The following SEC23A variants were observed in gnomAD, a reference collection of about 807,000 sequenced individuals.
SEC23A encodes SEC23 homolog A, COPII component.
A neutral mutation model predicts 103.7 loss-of-function variants in SEC23A; 56 were observed. That is an observed-to-expected ratio of 0.54 (90% CI 0.44 to 0.67). The LOEUF (loss-of-function observed/expected upper bound fraction) is 0.67, where lower values mean the gene tolerates loss of function less well. SEC23A is among the 30% of genes least tolerant of loss of function. The probability of loss-of-function intolerance (pLI) is 0.00; values close to 1 mark genes in which losing one functional copy is unlikely to be tolerated. For synonymous variants in SEC23A, 281 were observed against 293.0 expected, an observed-to-expected ratio of 0.96 and a Z score of 0.42; for missense variants, 784 against 936.4, an observed-to-expected ratio of 0.84 and a Z score of 2.12.
At chr14:39,044,748 A>C (rs1885771725) in intron 16 of SEC23A, among the ~76,000 whole-genome samples, 1 of 152,234 alleles carries the variant, frequency 6.6e-6, no homozygotes, top group African/African-American at 2.4e-5. Context: ...AAATGAGATT[A>C]AAACAAGAGC....
Position 39,048,823 on chromosome 14 carries a change from A to T in SEC23A, c.1660-94T>A, listed in dbSNP as rs17108775. Reference sequence around the variant, plus strand: ...TTCTATTTACAAGAAGTTACCAATCATCAGGAAGCAGATACTTGATAAAGA... The same window carrying T: ...TTCTATTTACAAGAAGTTACCAATCTTCAGGAAGCAGATACTTGATAAAGA... On this transcript the variant is annotated intron_variant, in intron 14 of 19. Transcript: ENST00000307712. The T allele has an allele frequency of 2.9e-3, 2,048 of 708,264 alleles. 26 individuals carry two copies. The African/African-American group carries it at 0.029, about 10-fold the overall frequency. 43.9% of individuals were successfully genotyped at this position (708,264 alleles called of 1,614,324 possible). A position where few individuals can be genotyped will look rare whatever the true frequency, so the allele number is the denominator to read the frequency against.
chr14:39,083,514 ATCAGGACCTCCAGAGGCATGTGTCC>A (rs995079429), intron 7 of SEC23A, among the ~76,000 whole-genome samples: 1 of 150,782 alleles, frequency 6.6e-6, no homozygotes, highest in Non-Finnish European at 1.5e-5. Context: ...GACGCATGTC[ATCAGGACCTCCAGAGGCATGTGTCC>A]TCAGCCTTGG....
intron 2 of SEC23A, 46 bp from the exon 3 acceptor site, chr14:39,093,290 C>A: frequency 6.8e-7 from 1 of 1,461,238 alleles, no homozygotes; most frequent in South Asian, 1.2e-5. Flanking sequence ...TATTTCAGTT[C>A]AATTTTACAA....
chr14:39,041,409 C>CAAAAAAAAAAAAAAAAAAAAAAAAA lies in SEC23A; in HGVS notation c.1987-547_1987-523dup, dbSNP rs56911438. 1.8e-3 allele frequency: 27 copies of CAAAAAAAAAAAAAAAAAAAAAAAAA among 14,644 alleles called. 3 individuals carry two copies. Among genetic ancestry groups the CAAAAAAAAAAAAAAAAAAAAAAAAA allele is most frequent in the Admixed American group, 4.6e-3 (3 of 658 alleles). The allele number at this position is 14,644 out of a possible 1,614,324, so 0.9% of individuals were successfully genotyped here. On this transcript the variant is annotated intron_variant, in intron 17 of 19. Coordinates refer to ENST00000307712, the MANE Select transcript of SEC23A (RefSeq NM_006364.4). ...AAATCACCATAAAACAAAGAAAAAG[C>CAAAAAAAAAAAAAAAAAAAAAAAAA]AAAAAAAAAAAAAAAAAAAAAAAAA...
intron 9 of SEC23A, among the ~76,000 whole-genome samples, chr14:39,073,500 G>T (rs983802296): frequency 2.0e-5 from 3 of 151,270 alleles, no homozygotes; most frequent in Admixed American, 6.6e-5. Context: ...CACCATGTTG[G>T]CCAGGCTGGT....
chr14:39,048,637 CT>C lies in SEC23A; in HGVS notation c.1737+14del. The C allele has an allele frequency of 1.3e-6, 2 of 1,533,252 alleles. No homozygotes were observed. Among genetic ancestry groups the C allele is most frequent in the Non-Finnish European group, 9.0e-7 (1 of 1,106,948 alleles). The allele number at this position is 1,533,252 out of a possible 1,614,324, so 95.0% of individuals were successfully genotyped here. On this transcript the variant is annotated intron_variant, in intron 15 of 19. Coordinates refer to ENST00000307712, the MANE Select transcript of SEC23A (RefSeq NM_006364.4). The stretch of plus-strand genomic sequence containing the variant: ...AAAAAGAAAAGAAAAGAATATGGAC[CT>C]TTTACCTACTTACCTGTGGATAAAG...
intron 14 of SEC23A, among the ~76,000 whole-genome samples, chr14:39,054,201 G>T (rs548731067): frequency 6.6e-6 from 1 of 151,932 alleles, no homozygotes; most frequent in East Asian, 1.9e-4. Flanking sequence ...CTTGAGCAGG[G>T]GAAGTCAAGG....
chr14:39,036,040 C>A (rs1449072300), intron 19 of SEC23A, among the ~76,000 whole-genome samples: 1 of 151,942 alleles, frequency 6.6e-6, no homozygotes, highest in Non-Finnish European at 1.5e-5. Context: ...CATGGATACT[C>A]CCAGGCACAG....
At chr14:39,065,703 A>T (rs1886635734) in intron 10 of SEC23A, among the ~76,000 whole-genome samples, 1 of 152,098 alleles carries the variant, frequency 6.6e-6, no homozygotes, top group South Asian at 2.1e-4. Context: ...TAACATCTTT[A>T]AGAAAACAAC....
At chr14:39,067,639 T>TA (rs2139237298) in intron 9 of SEC23A, among the ~76,000 whole-genome samples, 1 of 150,714 alleles carries the variant, frequency 6.6e-6, no homozygotes, top group Admixed American at 6.6e-5. Flanking sequence ...TTGGTAAAGG[T>TA]ACCTGACAGT....
chr14:39,074,068 T>A (rs1886929908), intron 9 of SEC23A, among the ~76,000 whole-genome samples: 1 of 152,216 alleles, frequency 6.6e-6, no homozygotes, highest in Non-Finnish European at 1.5e-5. Flanking sequence ...CGGTGATGGC[T>A]GTGCATCCTG....
At chr14:39,089,300 G>C (rs1661819279) in intron 5 of SEC23A, among the ~76,000 whole-genome samples, 1 of 151,532 alleles carries the variant, frequency 6.6e-6, no homozygotes, top group African/African-American at 2.4e-5. Context: ...AACATTAATA[G>C]TAGCAAATGC....
chr14:39,076,914 G>A (rs954338159), intron 7 of SEC23A, among the ~76,000 whole-genome samples: 5 of 142,836 alleles, frequency 3.5e-5, no homozygotes, highest in African/African-American at 5.2e-5. Context: ...GCAACAAGGC[G>A]AGACTCCGTC....
rs1566515175 is a variant in SEC23A, at chr14:39,094,428, ATATATATATATATATTTTTT to A, written c.222-1204_222-1185del. Among the ~76,000 whole-genome samples the A allele has an allele frequency of 1.4e-3, 66 of 46,652 alleles. 10 individuals are homozygous for A. Among genetic ancestry groups the A allele is most frequent in the African/African-American group, 4.8e-3 (29 of 6,056 alleles). The allele number at this position is 46,652 out of a possible 152,430, so 30.6% of individuals were successfully genotyped here. On this transcript the variant is annotated intron_variant, in intron 2 of 19. Coordinates refer to ENST00000307712, the MANE Select transcript of SEC23A (RefSeq NM_006364.4). Reference sequence around the variant, plus strand: ...TATATATATATATATATATATATATATATATATATATATATTTTTTTTTTTTTTTTTTCCCCTCCTGTAGA... The same window carrying A: ...TATATATATATATATATATATATATATTTTTTTTTTTTCCCCTCCTGTAGA...
intron 7 of SEC23A, among the ~76,000 whole-genome samples, chr14:39,077,741 C>A (rs1290040841): frequency 1.3e-5 from 2 of 151,624 alleles, no homozygotes; most frequent in African/African-American, 2.4e-5. Flanking sequence ...ACTAGCCTGG[C>A]CAACATGGCA....
chr14:39,076,735 G>A (rs1887039344), intron 7 of SEC23A, among the ~76,000 whole-genome samples: 1 of 151,744 alleles, frequency 6.6e-6, no homozygotes, highest in African/African-American at 2.4e-5. Flanking sequence ...AGACCAGCCT[G>A]GTCAACATGG....
At chr14:39,039,935 C>T (rs201562492) in intron 18 of SEC23A, 3 of 152,170 alleles carry the variant, frequency 2.0e-5, no homozygotes, top group East Asian at 3.8e-4. Context: ...TATGAAATAA[C>T]TCTCATATAA....
intron 9 of SEC23A, among the ~76,000 whole-genome samples, chr14:39,068,850 T>C (rs1029932289): frequency 2.0e-5 from 3 of 152,198 alleles, no homozygotes; most frequent in Non-Finnish European, 2.9e-5. Context: ...CTTTTGATAT[T>C]ATTAGAAGTT....
chr14:39,071,098 AC>A (rs1273881616), intron 9 of SEC23A, among the ~76,000 whole-genome samples: 1 of 152,184 alleles, frequency 6.6e-6, no homozygotes, highest in Non-Finnish European at 1.5e-5. Flanking sequence ...ATTCACTCTC[AC>A]ATTTTTAATC....
Sources: gnomAD v4.1 joint callset for allele counts (sites outside exome capture counted in the v4.1 genomes callset) on GRCh38, gnomAD v4.1.1 for gene constraint, MANE v1.5 for transcripts, NCBI Gene and HGNC (gene_info 2026-07-23, HGNC 2026-07-21) for gene names.